The following ARAP2 variants were observed in gnomAD, a reference collection of about 807,000 sequenced individuals.
ARAP2 encodes the protein ArfGAP with RhoGAP domain, ankyrin repeat and PH domain 2.
A neutral mutation model predicts 194.5 loss-of-function variants in ARAP2; 148 were observed. The observed-to-expected ratio is 0.76, with a 90% confidence interval of 0.67 to 0.87. ARAP2 has a LOEUF of 0.87. Among genes scored for constraint, ARAP2 ranks in the 40% least tolerant of loss-of-function variants. The pLI is 0.00. For synonymous variants in ARAP2, 695 were observed against 683.5 expected, an observed-to-expected ratio of 1.02 and a Z score of -0.26; for missense variants, 2,128 against 1,989.7, an observed-to-expected ratio of 1.07 and a Z score of -1.32.
At chr4:36,058,699 G>A (rs1397842332) in intron 1 of ARAP2, among the ~76,000 whole-genome samples, 4 of 151,942 alleles carry the variant, frequency 2.6e-5, no homozygotes, top group Non-Finnish European at 2.9e-5. Context: ...TGTTTCAGTA[G>A]TGAATATGAG....
chr4:36,209,963 C>T (rs1408116290), intron 6 of ARAP2, among the ~76,000 whole-genome samples: 1 of 152,160 alleles, frequency 6.6e-6, no homozygotes, highest in Admixed American at 6.6e-5. Context: ...ATGTACTTTT[C>T]CCTAACAACA....
At chr4:36,065,733 C>T (rs923076020), downstream of ARAP2, 1 of 157,422 alleles carries the variant, frequency 6.4e-6, no homozygotes, top group African/African-American at 2.4e-5. Context: ...GCCTATAAAC[C>T]AGGGGTGGTA....
At chr4:36,008,650 C>T (rs1306365433) in intron 9 of ARAP2, among the ~76,000 whole-genome samples, 2 of 151,850 alleles carry the variant, frequency 1.3e-5, no homozygotes, top group East Asian at 3.9e-4. Flanking sequence ...AATTTATGGA[C>T]AAATCCTCAA....
Position 36,160,438 on chromosome 4 carries a change from CTGT to C in ARAP2, c.2442+18_2442+20del. The C allele has an allele frequency of 6.6e-7, 1 of 1,505,138 alleles. No homozygotes were observed. The highest frequency in any genetic ancestry group is 8.8e-7 in the Non-Finnish European group (1 of 1,132,926). 93.2% of individuals were successfully genotyped at this position (1,505,138 alleles called of 1,614,324 possible). The stretch of plus-strand genomic sequence containing the variant: ...AAAAAGACATTAAAATCCACGTCTG[CTGT>C]TATGTTTAATTGAATACCTTATTTA... On this transcript the variant is annotated intron_variant, in intron 13 of 32. Coordinates refer to ENST00000303965, the MANE Select transcript of ARAP2 (RefSeq NM_015230.4).
intron 11 of ARAP2, 100 bp from the exon 12 acceptor site, chr4:36,161,650 G>A (rs765394750): frequency 4.3e-5 from 39 of 913,486 alleles, no homozygotes; most frequent in Admixed American, 1.8e-4. Context: ...TGTTCGTTGC[G>A]TATCTTCTCA....
chr4:36,112,208 G>C (rs149003265), intron 26 of ARAP2, among the ~76,000 whole-genome samples: 4 of 151,806 alleles, frequency 2.6e-5, no homozygotes, highest in African/African-American at 9.7e-5. Flanking sequence ...CACATCAACT[G>C]CACTATGAGA....
chr4:36,158,010 C>T (rs1560553991), intron 15 of ARAP2, among the ~76,000 whole-genome samples: 5 of 152,254 alleles, frequency 3.3e-5, no homozygotes, highest in Admixed American at 2.6e-4. Flanking sequence ...CTCTCTTACA[C>T]TCTTTGTTAC....
At chr4:36,104,380 T>G (rs181582779) in intron 27 of ARAP2, among the ~76,000 whole-genome samples, 5 of 152,122 alleles carry the variant, frequency 3.3e-5, no homozygotes, top group Non-Finnish European at 1.5e-5. Flanking sequence ...TTGATTTATT[T>G]TCGTTATTTC....
intron 32 of ARAP2, among the ~76,000 whole-genome samples, chr4:36,070,152 T>C (rs914684653): frequency 1.3e-5 from 2 of 152,188 alleles, no homozygotes; most frequent in East Asian, 1.9e-4. Flanking sequence ...AATACATCTA[T>C]AATATTAGCC....
chr4:36,235,961 G>C (rs1293393122), intron 1 of ARAP2, among the ~76,000 whole-genome samples: 2 of 152,092 alleles, frequency 1.3e-5, no homozygotes, highest in African/African-American at 4.8e-5. Flanking sequence ...TGGATTGCTT[G>C]AGCCCACAAT....
At chr4:36,161,797 A>C (rs1455319682) in intron 11 of ARAP2, among the ~76,000 whole-genome samples, 1 of 3,394 alleles carries the variant, frequency 2.9e-4, no homozygotes, top group African/African-American at 1.6e-3. Context: ...CACTGACAAA[A>C]AAAAAAAAAA....
intron 15 of ARAP2, among the ~76,000 whole-genome samples, chr4:36,154,077 T>C (rs766811917): frequency 6.6e-6 from 1 of 152,156 alleles, no homozygotes; most frequent in Admixed American, 6.5e-5. Flanking sequence ...CTCTTTATGC[T>C]TGCAAACAGT....
intron 20 of ARAP2, among the ~76,000 whole-genome samples, chr4:36,129,717 T>G (rs1724937119): frequency 6.6e-6 from 1 of 151,842 alleles, no homozygotes; most frequent in South Asian, 2.1e-4. Context: ...CTTCTCTTCC[T>G]GCCCACTGGG....
At chr4:36,170,672 ATATC>A (rs1269566155) in intron 9 of ARAP2, among the ~76,000 whole-genome samples, 2 of 152,320 alleles carry the variant, frequency 1.3e-5, no homozygotes, top group East Asian at 1.9e-4. Context: ...AATTGGTTTA[ATATC>A]TATCTGTGCA....
At chr4:36,062,662 G>C (rs971932533), downstream of ARAP2, among the ~76,000 whole-genome samples, 1 of 146,226 alleles carries the variant, frequency 6.8e-6, no homozygotes, top group Admixed American at 6.8e-5. Flanking sequence ...GTGTGTGTGT[G>C]TATAAAACAG....
intron 27 of ARAP2, among the ~76,000 whole-genome samples, chr4:36,101,176 T>G (rs1716806910): frequency 6.6e-6 from 1 of 151,968 alleles, no homozygotes; most frequent in African/African-American, 2.4e-5. Context: ...CTTGAGCATC[T>G]GCAGATTTTG....
chr4:36,015,700 CA>C (rs1715658709), intron 7 of ARAP2: 1 of 152,088 alleles, frequency 6.6e-6, no homozygotes, highest in Non-Finnish European at 1.5e-5. Context: ...TTCTACTGGT[CA>C]AAGTTTGTTA....
intron 3 of ARAP2, among the ~76,000 whole-genome samples, chr4:36,050,671 T>C (rs1722516307): frequency 1.3e-5 from 2 of 152,346 alleles, no homozygotes; most frequent in Non-Finnish European, 1.5e-5. Context: ...TAGTTATTTA[T>C]GCATTTCATT....
intron 2 of ARAP2, among the ~76,000 whole-genome samples, chr4:36,055,127 A>C (rs1241104126): frequency 6.6e-6 from 1 of 152,226 alleles, no homozygotes; most frequent in East Asian, 1.9e-4. Flanking sequence ...TATTGGATCT[A>C]TGAGTGCATT....
Sources: allele counts gnomAD v4.1 joint callset (sites outside exome capture counted in the v4.1 genomes callset), GRCh38; gene constraint gnomAD v4.1.1; transcripts MANE v1.5; gene names NCBI Gene and HGNC (gene_info 2026-07-23, HGNC 2026-07-21).